FHIT: variants seen among roughly 807,000 people sequenced by gnomAD.
The protein encoded by FHIT is bis(5'-adenosyl)-triphosphatase.
A neutral mutation model predicts 17.9 loss-of-function variants in FHIT; 19 were observed. That is an observed-to-expected ratio of 1.06 (90% CI 0.74 to 1.56). The LOEUF (loss-of-function observed/expected upper bound fraction) is 1.56. Among genes scored for constraint, FHIT ranks in the 40% most tolerant of loss-of-function variants. The pLI, the probability that FHIT is intolerant of heterozygous loss-of-function variation, is 0.00. For synonymous variants in FHIT, 81 were observed against 69.7 expected, an observed-to-expected ratio of 1.16 and a Z score of -0.81; for missense variants, 248 against 189.2, an observed-to-expected ratio of 1.31 and a Z score of -1.82.
At chr3:60,057,368 A>G (rs1430055892) in intron 5 of FHIT, among the ~76,000 whole-genome samples, 1 of 152,194 alleles carries the variant, frequency 6.6e-6, no homozygotes, top group East Asian at 1.9e-4. Flanking sequence ...TGTGCCACCA[A>G]CAAACACTTC....
At chr3:60,147,087 A>G (rs984172664) in intron 5 of FHIT, among the ~76,000 whole-genome samples, 5 of 152,166 alleles carry the variant, frequency 3.3e-5, no homozygotes, top group Non-Finnish European at 5.9e-5. Context: ...GCTTGCAACT[A>G]AATTGGATTT....
chr3:59,954,201 T>C (rs1707272007), intron 7 of FHIT, among the ~76,000 whole-genome samples: 1 of 149,050 alleles, frequency 6.7e-6, no homozygotes, highest in African/African-American at 2.5e-5. Context: ...CCCAGCATTT[T>C]TCAGAAGTTA....
intron 2 of FHIT, among the ~76,000 whole-genome samples, chr3:61,073,726 T>C (rs916516442): frequency 6.6e-6 from 1 of 152,168 alleles, no homozygotes; most frequent in Admixed American, 6.6e-5. Context: ...GCTAACAGTG[T>C]CCTGCTGGCC....
intron 1 of FHIT, among the ~76,000 whole-genome samples, chr3:61,200,962 T>C (rs2038994270): frequency 6.6e-6 from 1 of 151,366 alleles, no homozygotes; most frequent in African/African-American, 2.4e-5. Flanking sequence ...TATAGCGAGA[T>C]GAAAATCAAA....
chr3:59,827,506 T>C (rs774785075), intron 8 of FHIT, among the ~76,000 whole-genome samples: 1 of 152,244 alleles, frequency 6.6e-6, no homozygotes, highest in Non-Finnish European at 1.5e-5. Flanking sequence ...TAGGAATGTA[T>C]ACTAATATTC....
At chr3:60,788,469 T>C (rs568964199) in intron 4 of FHIT, among the ~76,000 whole-genome samples, 3 of 152,284 alleles carry the variant, frequency 2.0e-5, no homozygotes, top group African/African-American at 7.2e-5. Flanking sequence ...GTATATATAT[T>C]TTACATATTT....
intron 4 of FHIT, among the ~76,000 whole-genome samples, chr3:60,680,103 G>T (rs940234227): frequency 3.3e-5 from 5 of 152,180 alleles, no homozygotes; most frequent in Non-Finnish European, 7.3e-5. Flanking sequence ...GGAGTTGCAT[G>T]TCTTCAACTA....
chr3:59,969,209 T>C (rs543606001), intron 7 of FHIT, among the ~76,000 whole-genome samples: 3 of 152,310 alleles, frequency 2.0e-5, no homozygotes, highest in South Asian at 4.1e-4. Context: ...ATATTTACTG[T>C]GTTGCTTAAG....
At chr3:60,639,524 A>G (rs1355051890) in intron 4 of FHIT, among the ~76,000 whole-genome samples, 1 of 152,210 alleles carries the variant, frequency 6.6e-6, no homozygotes, top group African/African-American at 2.4e-5. Context: ...ATTTCATTTG[A>G]GAAACTCAAA....
At chr3:60,965,377 C>G (rs1474555499) in intron 3 of FHIT, among the ~76,000 whole-genome samples, 1 of 152,214 alleles carries the variant, frequency 6.6e-6, no homozygotes, top group Non-Finnish European at 1.5e-5. Flanking sequence ...TGGGTTCGAA[C>G]ATCCTCCTTT....
At chr3:60,474,765 A>G (rs2033262104) in intron 5 of FHIT, among the ~76,000 whole-genome samples, 1 of 151,974 alleles carries the variant, frequency 6.6e-6, no homozygotes, top group Non-Finnish European at 1.5e-5. Flanking sequence ...CTGGGATTAC[A>G]GGCGCCTGCC....
chr3:60,464,223 A>G (rs2032653177), intron 5 of FHIT, among the ~76,000 whole-genome samples: 1 of 152,152 alleles, frequency 6.6e-6, no homozygotes, highest in South Asian at 2.1e-4. Context: ...TTTTTAAAAA[A>G]TTGTTGTGGG....
intron 5 of FHIT, among the ~76,000 whole-genome samples, chr3:60,131,744 T>G (rs1046787581): frequency 5.3e-5 from 8 of 152,026 alleles, no homozygotes; most frequent in African/African-American, 1.9e-4. Flanking sequence ...CCAATCATCT[T>G]CCCCTACTGC....
chr3:60,434,342 G>A (rs1166177668), intron 5 of FHIT, among the ~76,000 whole-genome samples: 1 of 152,028 alleles, frequency 6.6e-6, no homozygotes, highest in Non-Finnish European at 1.5e-5. Context: ...TTAAAGAATA[G>A]GCAAGTTAAA....
At chr3:60,722,692 A>G (rs1244886688) in intron 4 of FHIT, among the ~76,000 whole-genome samples, 1 of 149,332 alleles carries the variant, frequency 6.7e-6, no homozygotes, top group Non-Finnish European at 1.5e-5. Flanking sequence ...CTGGTTGAAA[A>G]CTGTTACCTT....
At chr3:60,884,810 T>G (rs1451298256) in intron 3 of FHIT, among the ~76,000 whole-genome samples, 4 of 149,802 alleles carry the variant, frequency 2.7e-5, no homozygotes, top group Admixed American at 1.3e-4. Context: ...AAGACCAAAG[T>G]GGGAAGATCG....
chr3:60,647,148 C>T (rs1334918040), intron 4 of FHIT, among the ~76,000 whole-genome samples: 2 of 151,578 alleles, frequency 1.3e-5, no homozygotes, highest in African/African-American at 2.4e-5. Context: ...GAAAACATAT[C>T]GTTGTGGAAA....
At chr3:60,595,119 C>T (rs183062278) in intron 4 of FHIT, among the ~76,000 whole-genome samples, 2 of 152,142 alleles carry the variant, frequency 1.3e-5, no homozygotes, top group East Asian at 1.9e-4. Context: ...TCTGGCCTCA[C>T]CAAGAAAAGG....
At chr3:61,243,223 T>C (rs1457094212) in intron 1 of FHIT, among the ~76,000 whole-genome samples, 1 of 152,144 alleles carries the variant, frequency 6.6e-6, no homozygotes, top group Non-Finnish European at 1.5e-5. Context: ...CTCCACATAA[T>C]ATATAAGCCC....
Sources: allele counts gnomAD v4.1 joint callset (sites outside exome capture counted in the v4.1 genomes callset), GRCh38; gene constraint gnomAD v4.1.1; transcripts MANE v1.5; gene names NCBI Gene and HGNC (gene_info 2026-07-23, HGNC 2026-07-21).